Variants in ACTN4 observed in about 807,000 individuals in gnomAD.
The protein encoded by ACTN4 is actinin alpha 4, also known as alpha-actinin-4.
In ACTN4, 18 loss-of-function variants were observed where a neutral mutation model predicts 114.2. That is an observed-to-expected ratio of 0.16 (90% CI 0.11 to 0.23). The LOEUF is 0.23. Ranked by LOEUF, ACTN4 falls within the 10% of genes least tolerant of loss-of-function variation. The pLI, the probability that ACTN4 is intolerant of heterozygous loss-of-function variation, is 1.00. For synonymous variants in ACTN4, 515 were observed against 506.3 expected (o/e 1.02, Z -0.23); for missense variants, 722 against 1,262.9 (o/e 0.57, Z 6.49).
intron 1 of ACTN4, among the ~76,000 whole-genome samples, chr19:38,689,045 TAA>T (rs1967836569): frequency 6.6e-6 from 1 of 152,142 alleles, no homozygotes; most frequent in Non-Finnish European, 1.5e-5. Flanking sequence ...TTTTTAAATA[TAA>T]GAGGTATCAT....
chr19:38,656,715 TTG>T (rs1477532625), intron 1 of ACTN4, among the ~76,000 whole-genome samples: 5 of 152,222 alleles, frequency 3.3e-5, no homozygotes, highest in Admixed American at 6.5e-5. Context: ...ACAATAGCAT[TTG>T]TGTCTTCAGC....
At chr19:38,668,292 A>G (rs1376633428) in intron 1 of ACTN4, among the ~76,000 whole-genome samples, 2 of 152,172 alleles carry the variant, frequency 1.3e-5, no homozygotes, top group African/African-American at 2.4e-5. Flanking sequence ...ATTTGTTAAT[A>G]TTCTTTCTCT....
rs750247842 is a variant in ACTN4 at position 38,729,567 on chromosome 19, G to C, written c.*135G>C. On this transcript the variant is annotated 3_prime_UTR_variant, in exon 21 of 21. Coordinates refer to ENST00000252699, the MANE Select transcript of ACTN4 (RefSeq NM_004924.6). ...TCCGGGGTGGGTGGGTGGGCAGGGA[G>C]GGGCTGGGGCAGGCTCTCTCCTCTC... 1 of 978,316 alleles carries C rather than the reference G, an allele frequency of 1.0e-6. No individual in the cohort carries two copies. Among genetic ancestry groups the C allele is most frequent in the South Asian group, 1.4e-5 (1 of 72,364 alleles). 60.6% of individuals were successfully genotyped at this position (978,316 alleles called of 1,614,324 possible).
In ACTN4 at chr19:38,729,899, G is replaced by T. The variant is rs1969424394; in HGVS notation, c.*467G>T. On this transcript the variant is annotated 3_prime_UTR_variant, in exon 21 of 21. Transcript: ENST00000252699. ...GGCGCCACCACCACCTGACGGCTGG[G>T]GACCCACCCAGCCCCTCTCCCCTCT... The T allele has an allele frequency of 2.8e-6, 1 of 355,202 alleles. No homozygotes were observed. Among genetic ancestry groups the T allele is most frequent in the Admixed American group, 3.8e-5 (1 of 26,252 alleles). The allele number at this position is 355,202 out of a possible 1,614,324, so 22.0% of individuals were successfully genotyped here.
At chr19:38,685,438 A>C (rs1967712797) in intron 1 of ACTN4, among the ~76,000 whole-genome samples, 1 of 152,196 alleles carries the variant, frequency 6.6e-6, no homozygotes, top group Non-Finnish European at 1.5e-5. Context: ...TCACCCCCTC[A>C]TCCAGTGCTC....
At chr19:38,722,898 C>T (rs1224518383) in intron 12 of ACTN4, among the ~76,000 whole-genome samples, 3 of 152,150 alleles carry the variant, frequency 2.0e-5, no homozygotes, top group Admixed American at 6.5e-5. Context: ...CCTGAAGGAA[C>T]GGAAGGGAGG....
rs374876080 is a variant in ACTN4, at chr19:38,708,060, C to T, written c.573-57C>T. ...ACTGCTGTGGGTGCACAGGGCCATA[C>T]GGCACTCTCATGACAGTGAGCGGGC... On this transcript the variant is annotated intron_variant, in intron 5 of 20. Coordinates refer to ENST00000252699, the MANE Select transcript of ACTN4 (RefSeq NM_004924.6). 480 of 1,545,564 alleles carry T rather than the reference C, an allele frequency of 3.1e-4. No individual in the cohort carries two copies. The African/African-American group carries it at 5.5e-3, about 18-fold the overall frequency.
rs1969265532 is a variant in ACTN4, at chr19:38,727,216, C to T, written c.2337+113C>T. ...CCCATCACAGTTGCTGAGCGTCGGCCGCCACTCCCAGGGCCAGCAGGGCCC... is the reference window on the plus strand; with the variant it reads ...CCCATCACAGTTGCTGAGCGTCGGCTGCCACTCCCAGGGCCAGCAGGGCCC... On this transcript the variant is annotated intron_variant, in intron 18 of 20. Coordinates refer to ENST00000252699, the MANE Select transcript of ACTN4 (RefSeq NM_004924.6). The surrounding 1 kb of genome is among the most constrained non-coding windows in gnomAD (Gnocchi z 5.4). The T allele has an allele frequency of 4.0e-6, 6 of 1,517,362 alleles. No homozygotes were observed. Among genetic ancestry groups the T allele is most frequent in the East Asian group, 4.8e-5 (2 of 41,432 alleles). The allele number at this position is 1,517,362 out of a possible 1,614,324, so 94.0% of individuals were successfully genotyped here. A position where few individuals can be genotyped will look rare whatever the true frequency, so the allele number is the denominator to read the frequency against.
chr19:38,650,295 G>A (rs890962226), intron 1 of ACTN4, among the ~76,000 whole-genome samples: 1 of 152,122 alleles, frequency 6.6e-6, no homozygotes, highest in African/African-American at 2.4e-5. Flanking sequence ...GAGAGTTAGG[G>A]TGTGGGCTTT....
At chr19:38,681,051 G>A (rs549077516) in intron 1 of ACTN4, among the ~76,000 whole-genome samples, 206 of 150,278 alleles carry the variant, frequency 1.4e-3, no homozygotes, top group Non-Finnish European at 2.2e-3. Context: ...ACTTGAACCC[G>A]GGAGGTGGAG....
At chr19:38,726,635 G>T (rs907254779) in intron 17 of ACTN4, among the ~76,000 whole-genome samples, 6 of 152,226 alleles carry the variant, frequency 3.9e-5, no homozygotes, top group Non-Finnish European at 8.8e-5. Context: ...AACCAGAGTT[G>T]GCTTTTTTGT....
chr19:38,671,505 A>C (rs1246537104), intron 1 of ACTN4, among the ~76,000 whole-genome samples: 1 of 152,212 alleles, frequency 6.6e-6, no homozygotes, highest in East Asian at 1.9e-4. Flanking sequence ...GACTTTGGGA[A>C]GATACTGGCA....
intron 1 of ACTN4, among the ~76,000 whole-genome samples, chr19:38,662,919 T>C (rs1976932984): frequency 6.6e-6 from 1 of 152,066 alleles, no homozygotes; most frequent in South Asian, 2.1e-4. Flanking sequence ...GTTTTTTTTT[T>C]TTTTTAAAGA....
At chr19:38,692,479 G>T (rs928695538) in intron 1 of ACTN4, among the ~76,000 whole-genome samples, 2 of 152,372 alleles carry the variant, frequency 1.3e-5, no homozygotes, top group Middle Eastern at 3.4e-3. Flanking sequence ...AAGTGCTCAG[G>T]TGTGCAGTCT....
At position 38,730,044 on chromosome 19, in the gene ACTN4, C is replaced by T. The variant is rs761698176; in HGVS notation, c.*612C>T. The T allele has an allele frequency of 3.4e-5, 6 of 176,256 alleles. No individual in the cohort carries two copies. Among genetic ancestry groups the T allele is most frequent in the South Asian group, 9.9e-5 (1 of 10,112 alleles). 10.9% of individuals were successfully genotyped at this position (176,256 alleles called of 1,614,324 possible). Reference sequence around the variant, plus strand: ...GAACCGCACCCCATCCCACCAGCCCCGGCCTTGCTTTGTCTGGCCTCACGT... The same window carrying T: ...GAACCGCACCCCATCCCACCAGCCCTGGCCTTGCTTTGTCTGGCCTCACGT... On this transcript the variant is annotated 3_prime_UTR_variant, in exon 21 of 21. Transcript: ENST00000252699.
intron 17 of ACTN4, 67 bp from the exon 18 acceptor site, chr19:38,726,890 A>T: frequency 6.2e-7 from 1 of 1,605,704 alleles, no homozygotes; most frequent in Non-Finnish European, 8.5e-7. Context: ...ACAGTCCTCC[A>T]CGTGTGAACC....
rs1290061199 is a variant in ACTN4, at chr19:38,725,738, C to T, written c.2025C>T (p.Ile675=). ...IQTKMEEIGR[I]SIEMNGTLED... Reference sequence around the variant, plus strand: ...CACCCCCGTAGGAGATCGGGCGCATCTCCATTGAGATGAACGGGACCCTGG... The same window carrying T: ...CACCCCCGTAGGAGATCGGGCGCATTTCCATTGAGATGAACGGGACCCTGG... Residue 675 remains isoleucine, a synonymous_variant, in exon 17 of 21, where the codon ATC becomes ATT. Transcript: ENST00000252699. The T allele has an allele frequency of 3.7e-6, 6 of 1,613,974 alleles. No individual in the cohort carries two copies. Among genetic ancestry groups the T allele is most frequent in the Non-Finnish European group, 5.1e-6 (6 of 1,180,016 alleles).
chr19:38,705,554 T>C (rs746665827), intron 4 of ACTN4, among the ~76,000 whole-genome samples: 15 of 152,236 alleles, frequency 9.9e-5, no homozygotes, highest in Non-Finnish European at 1.2e-4. Flanking sequence ...GGGAGAGATG[T>C]GCTTCCTGCC....
chr19:38,717,862 G>A lies in ACTN4; in HGVS notation c.1144-65G>A. ...TGCCACCTTCCCATCAGCATCCCTT[G>A]GAGACATCCCCCTGGGTGCCTCCAC... On this transcript the variant is annotated intron_variant, in intron 10 of 20. Coordinates refer to ENST00000252699, the MANE Select transcript of ACTN4 (RefSeq NM_004924.6). The surrounding 1 kb of genome is among the most constrained non-coding windows in gnomAD (Gnocchi z 4.0). 6.5e-7 allele frequency: 1 copy of A among 1,549,420 alleles called. No individual in the cohort carries two copies. The highest frequency in any genetic ancestry group is 1.2e-5 in the South Asian group (1 of 84,052).
Sources: allele counts gnomAD v4.1 joint callset (sites outside exome capture counted in the v4.1 genomes callset), GRCh38; gene constraint gnomAD v4.1.1; non-coding constraint Gnocchi (gnomAD v3.1); transcripts MANE v1.5; gene names NCBI Gene and HGNC (gene_info 2026-07-23, HGNC 2026-07-21).